Variants in TADA2A observed in about 807,000 individuals in gnomAD.
TADA2A encodes transcriptional adapter 2-alpha.
Under a neutral mutation model 67.4 loss-of-function variants are expected in TADA2A, and 38 were observed. The ratio of observed to expected loss-of-function variants is 0.56; its 90% CI spans 0.44 to 0.74. The LOEUF (loss-of-function observed/expected upper bound fraction) is 0.74. Ranked by LOEUF, TADA2A falls within the 30% of genes least tolerant of loss-of-function variation. The pLI, the probability that TADA2A is intolerant of heterozygous loss-of-function variation, is 0.00. For synonymous variants in TADA2A, 192 were observed against 181.6 expected (o/e 1.06, Z -0.46); for missense variants, 454 against 547.0 (o/e 0.83, Z 1.70).
intron 7 of TADA2A, among the ~76,000 whole-genome samples, chr17:37,444,273 A>AG (rs2053010415): frequency 6.6e-6 from 1 of 151,188 alleles, no homozygotes; most frequent in Admixed American, 6.6e-5. Context: ...AAAAAAAAAA[A>AG]AAGAATGAAT....
chr17:37,477,325 G>A lies in TADA2A; in HGVS notation c.*343G>A, dbSNP rs1378236088. 4.4e-6 allele frequency: 1 copy of A among 225,868 alleles called. No individual in the cohort carries two copies. The highest frequency in any genetic ancestry group is 9.4e-5 in the East Asian group (1 of 10,684). 14.0% of individuals were successfully genotyped at this position (225,868 alleles called of 1,614,324 possible). On this transcript the variant is annotated 3_prime_UTR_variant, in exon 16 of 16. Coordinates refer to ENST00000615182, the MANE Select transcript of TADA2A (RefSeq NM_001166105.3). ...TAAACCACAGTCTGTAATCCCAGGA[G>A]TCCAGCTCAGATCCTTATATTGCGA...
intron 11 of TADA2A, 104 bp from the exon 12 acceptor site, chr17:37,467,350 A>C: frequency 1.1e-6 from 1 of 870,638 alleles, no homozygotes; most frequent in Non-Finnish European, 1.8e-6. Context: ...GAACTTCCCT[A>C]GTCTTATAAG....
chr17:37,411,474 G>A (rs1597837364), intron 2 of TADA2A, 84 bp downstream of exon 2: 19 of 1,319,288 alleles, frequency 1.4e-5, no homozygotes, highest in Non-Finnish European at 2.0e-5. Context: ...CCAGGCTGGG[G>A]TACAGTGGCA....
chr17:37,458,764 C>A (rs1034462778), intron 9 of TADA2A, among the ~76,000 whole-genome samples, 177 bp downstream of exon 9: 11 of 151,838 alleles, frequency 7.2e-5, no homozygotes, highest in Non-Finnish European at 1.2e-4. Flanking sequence ...GCAGCCTCAA[C>A]CTCTCAGGCT....
chr17:37,436,519 C>T (rs12453570), intron 4 of TADA2A: 35,304 of 151,816 alleles, frequency 0.23, 4,236 homozygotes, highest in Middle Eastern at 0.36. Flanking sequence ...CCACCATGTC[C>T]GGCTAATTTT....
At chr17:37,473,376 A>T (rs1859191) in intron 14 of TADA2A, among the ~76,000 whole-genome samples, 110,179 of 151,856 alleles carry the variant, frequency 0.73, 40,601 homozygotes, top group East Asian at 0.97. Context: ...TCTTAAGGCA[A>T]CTATGTATTG....
intron 10 of TADA2A, among the ~76,000 whole-genome samples, chr17:37,464,684 C>CA (rs1273301744): frequency 1.3e-5 from 2 of 149,648 alleles, no homozygotes; most frequent in African/African-American, 2.5e-5. Flanking sequence ...TACTAAAATA[C>CA]AAAAAATTAG....
chr17:37,438,830 C>T (rs1023189809), intron 5 of TADA2A, among the ~76,000 whole-genome samples: 13 of 152,162 alleles, frequency 8.5e-5, no homozygotes, highest in Non-Finnish European at 1.9e-4. Flanking sequence ...CTCTGTCCTC[C>T]TTCCCTCTTA....
At chr17:37,430,066 A>G (rs2052525395) in intron 4 of TADA2A, among the ~76,000 whole-genome samples, 1 of 152,240 alleles carries the variant, frequency 6.6e-6, no homozygotes, top group Non-Finnish European at 1.5e-5. Context: ...ATAATTCAGT[A>G]TAGCTTGGGT....
intron 3 of TADA2A, among the ~76,000 whole-genome samples, chr17:37,423,898 CA>C (rs1796197778): frequency 6.6e-6 from 1 of 151,748 alleles, no homozygotes; most frequent in Non-Finnish European, 1.5e-5. Flanking sequence ...TACAGGCACA[CA>C]CCATTATGCC....
chr17:37,413,276 C>G, intron 2 of TADA2A, among the ~76,000 whole-genome samples: 1 of 152,138 alleles, frequency 6.6e-6, no homozygotes, highest in East Asian at 1.9e-4. Context: ...TGATCACACT[C>G]CTAATATAAA....
intron 6 of TADA2A, 102 bp downstream of exon 6, chr17:37,440,764 T>C (rs2052890850): frequency 1.4e-6 from 2 of 1,388,922 alleles, no homozygotes; most frequent in Non-Finnish European, 9.9e-7. Flanking sequence ...GCTAATGATA[T>C]CACGGAAGAT....
intron 10 of TADA2A, 132 bp from the exon 11 acceptor site, chr17:37,465,299 C>T: frequency 1.5e-6 from 1 of 661,564 alleles, no homozygotes; most frequent in Non-Finnish European, 2.6e-6. Context: ...TGCTTCCTGT[C>T]ATGGATAAGT....
rs1453977277 is a variant in TADA2A at position 37,465,331 on chromosome 17, A to G, written c.713-100A>G. The G allele has an allele frequency of 7.0e-6, 6 of 851,860 alleles. No individual in the cohort carries two copies. In the Admixed American group the frequency reaches 1.4e-4, roughly 20 times the overall value. 52.8% of individuals were successfully genotyped at this position (851,860 alleles called of 1,614,324 possible). Reference sequence around the variant, plus strand: ...AAGTTAGTCATATGAGGTTATGAATAATGTTCTTCCATTTTACTAATTGTA... The same window carrying G: ...AAGTTAGTCATATGAGGTTATGAATGATGTTCTTCCATTTTACTAATTGTA... On this transcript the variant is annotated intron_variant, in intron 10 of 15. Transcript: ENST00000615182.
rs149845906 is a variant in TADA2A, at chr17:37,470,520, G to A, written c.1016G>A (p.Arg339Gln). The A allele has an allele frequency of 1.8e-4, 274 of 1,565,370 alleles. No homozygotes were observed. The highest frequency in any genetic ancestry group is 4.8e-4 in the Admixed American group (25 of 51,588). ...AGTGCTTGCCAGCAGTGGCTCCGCC[G>A]GCAAGCTGACATGTGAGTAATTACT... The part of the protein sequence containing the change: ...DSSACQQWLR[R>Q]QADIDSGLSP... Residue 339 changes from arginine (R) to glutamine (Q), a missense_variant, in exon 13 of 16, where the codon CGG (arginine) becomes CAG (glutamine). Arg to Gln is a conservative substitution (Grantham distance 43, BLOSUM62 1). Coordinates refer to ENST00000615182, the MANE Select transcript of TADA2A (RefSeq NM_001166105.3).
rs1382206880 is a variant in TADA2A, at chr17:37,437,746, T to C, written c.201T>C (p.Asp67=). 1.2e-5 allele frequency: 19 copies of C among 1,614,038 alleles called. No homozygotes were observed. The highest frequency in any genetic ancestry group is 1.4e-5 in the Non-Finnish European group (17 of 1,180,018). ...AACTTTTTTCTCCTTAGACTTCAGA[T>C]TTTCCTGTCCTTGATCCCAGCTGGA... The part of the protein sequence containing the change: ...SDHTYEIMTS[D]FPVLDPSWTA... Residue 67 remains aspartate (D), a synonymous_variant, in exon 5 of 16, where the codon GAT becomes GAC. Transcript: ENST00000615182.
At chr17:37,443,593 A>G (rs2052986975) in intron 7 of TADA2A, among the ~76,000 whole-genome samples, 1 of 152,138 alleles carries the variant, frequency 6.6e-6, no homozygotes. Flanking sequence ...GGCTTTCAAG[A>G]TTGTACTGTA....
chr17:37,408,014 G>C (rs1387860226), intron 1 of TADA2A: 1 of 152,790 alleles, frequency 6.5e-6, no homozygotes, highest in Non-Finnish European at 1.5e-5. Context: ...AGCCTCCCGA[G>C]TACCTGGGAT....
intron 4 of TADA2A, among the ~76,000 whole-genome samples, chr17:37,436,194 G>T (rs2052720860): frequency 6.6e-6 from 1 of 151,932 alleles, no homozygotes; most frequent in South Asian, 2.1e-4. Flanking sequence ...AACATTTTAA[G>T]ATTTGGCAAT....
Sources: allele counts gnomAD v4.1 joint callset (sites outside exome capture counted in the v4.1 genomes callset), GRCh38; gene constraint gnomAD v4.1.1; transcripts MANE v1.5; gene names NCBI Gene and HGNC (gene_info 2026-07-23, HGNC 2026-07-21).